Variants in FBXO15 observed in about 807,000 individuals in gnomAD.
FBXO15 encodes F-box only protein 15.
FBXO15 carries 30 observed loss-of-function variants against 49.5 expected under a neutral mutation model. That is an observed-to-expected ratio of 0.61 (90% CI 0.45 to 0.82). The LOEUF (loss-of-function observed/expected upper bound fraction) is 0.82. FBXO15 is among the 40% of genes least tolerant of loss of function. The pLI is 0.00. For synonymous variants in FBXO15, 250 were observed against 232.7 expected, an observed-to-expected ratio of 1.07 and a Z score of -0.68; for missense variants, 591 against 631.5, an observed-to-expected ratio of 0.94 and a Z score of 0.69.
At chr18:74,089,579 T>C (rs570355021) in intron 8 of FBXO15, among the ~76,000 whole-genome samples, 2 of 152,328 alleles carry the variant, frequency 1.3e-5, no homozygotes, top group Admixed American at 6.5e-5. Flanking sequence ...TGTTATTATT[T>C]TGAAGTATGT....
chr18:74,099,956 A>G (rs1440435933), intron 8 of FBXO15: 1 of 152,226 alleles, frequency 6.6e-6, no homozygotes, highest in African/African-American at 2.4e-5. Flanking sequence ...ACACAGCAAC[A>G]CAATAACAGT....
intron 1 of FBXO15, 121 bp downstream of exon 1, chr18:74,147,549 C>G: frequency 7.8e-7 from 1 of 1,287,862 alleles, no homozygotes; most frequent in Non-Finnish European, 9.8e-7. Flanking sequence ...ACCCTTCTCA[C>G]GTTGAAGACG....
intron 8 of FBXO15, among the ~76,000 whole-genome samples, chr18:74,084,652 C>T (rs1440117267): frequency 3.9e-5 from 6 of 152,172 alleles, no homozygotes; most frequent in African/African-American, 1.4e-4. Flanking sequence ...TCTTAACTTA[C>T]CAATACACAA....
intron 1 of FBXO15, among the ~76,000 whole-genome samples, chr18:74,143,198 TAA>T: frequency 6.6e-6 from 1 of 152,348 alleles, no homozygotes; most frequent in Admixed American, 6.5e-5. Flanking sequence ...TAATTTTATT[TAA>T]GATATTAAAT....
chr18:74,089,974 T>A lies in FBXO15; in HGVS notation c.1139-7923A>T, dbSNP rs193135487. Among the ~76,000 whole-genome samples the A allele has an allele frequency of 1.6e-4, 25 of 152,290 alleles. No homozygotes were observed. The East Asian group carries it at 2.9e-3, about 18-fold the overall frequency. ...GTCCCTCCACCTCAATTTTTTGGAA[T>A]AGTTTCCCTAGGAATAGTACCAGCT... On this transcript the variant is annotated intron_variant, in intron 8 of 9. Coordinates refer to ENST00000419743, the MANE Select transcript of FBXO15 (RefSeq NM_001142958.2).
At chr18:74,100,575 C>T (rs1913472129) in intron 8 of FBXO15, among the ~76,000 whole-genome samples, 1 of 151,472 alleles carries the variant, frequency 6.6e-6, no homozygotes, top group African/African-American at 2.4e-5. Flanking sequence ...CAGAGGAGAA[C>T]TAAATGAAAT....
At chr18:74,121,903 A>G (rs541556401) in intron 8 of FBXO15, among the ~76,000 whole-genome samples, 6 of 152,240 alleles carry the variant, frequency 3.9e-5, no homozygotes, top group Non-Finnish European at 8.8e-5. Context: ...AAGATGGCAG[A>G]TAAGAAAAGA....
Position 74,129,599 on chromosome 18 carries a change from A to G in FBXO15, c.591T>C (p.Gly197=), listed in dbSNP as rs1362298761. 6.8e-6 allele frequency: 11 copies of G among 1,610,144 alleles called. No homozygotes were observed. Among genetic ancestry groups the G allele is most frequent in the South Asian group, 1.1e-5 (1 of 90,280 alleles). The change falls in exon 5 of 10, where the codon GGT becomes GGC. Residue 197 remains glycine (G), a synonymous_variant. Coordinates refer to ENST00000419743, the MANE Select transcript of FBXO15 (RefSeq NM_001142958.2). ...TKEALRIFGL[G]WAIILKEKGG... ...CTTTTTCTTTCAGTATAATTGCCCAACCTAAACCAAATATTCTGGAGAAAG... is the reference window on the plus strand; with the variant it reads ...CTTTTTCTTTCAGTATAATTGCCCAGCCTAAACCAAATATTCTGGAGAAAG...
Position 74,082,042 on chromosome 18 carries a change from T to G in FBXO15, c.1148A>C (p.Glu383Ala). The G allele has an allele frequency of 6.2e-7, 1 of 1,611,360 alleles. No homozygotes were observed. Among genetic ancestry groups the G allele is most frequent in the African/African-American group, 1.3e-5 (1 of 74,928 alleles). ...RNLFTKRGNIENGHVKLIVIH... is the reference protein window; with the variant it reads ...RNLFTKRGNIANGHVKLIVIH... The stretch of plus-strand genomic sequence containing the variant: ...AACAATGAGCTTCACATGTCCATTT[T>G]CAATATTTCCTGAAAAGATATAAGA... The change falls in exon 9 of 10, where the codon GAA becomes GCA. Residue 383 changes from glutamate to alanine, a missense_variant. Transcript: ENST00000419743.
chr18:74,119,574 G>T (rs993199971), intron 8 of FBXO15, among the ~76,000 whole-genome samples: 4 of 152,156 alleles, frequency 2.6e-5, no homozygotes, highest in African/African-American at 9.7e-5. Context: ...GCCTCACTGA[G>T]AAGCTGTCAG....
At chr18:74,085,230 A>G (rs1334363026) in intron 8 of FBXO15, among the ~76,000 whole-genome samples, 4 of 85,898 alleles carry the variant, frequency 4.7e-5, no homozygotes, top group Admixed American at 2.7e-4. Context: ...ACAATCTTGG[A>G]AAAAAAAAAG....
At chr18:74,114,859 T>G (rs1467607010) in intron 8 of FBXO15, among the ~76,000 whole-genome samples, 1 of 152,146 alleles carries the variant, frequency 6.6e-6, no homozygotes, top group Non-Finnish European at 1.5e-5. Context: ...CACTTCCCAG[T>G]TCCTTGGAGG....
At position 74,075,240 on chromosome 18, in the gene FBXO15, T is replaced by C. The variant is rs1912213125; in HGVS notation, c.1264-1510A>G. On this transcript the variant is annotated intron_variant, in intron 9 of 9. Coordinates refer to ENST00000419743, the MANE Select transcript of FBXO15 (RefSeq NM_001142958.2). The surrounding 1 kb of genome is among the most constrained non-coding windows in gnomAD (Gnocchi z 4.1). ...TGATCTCTGCAGAGAACCTCGGCCT[T>C]CACAGACAGGGGAGAAGGATGTTTT... 6.6e-6 allele frequency among the ~76,000 whole-genome samples: 1 copy of C among 152,124 alleles called. No homozygotes were observed. The highest frequency in any genetic ancestry group is 2.4e-5 in the African/African-American group (1 of 41,424).
At chr18:74,088,220 G>A (rs1912836050) in intron 8 of FBXO15, among the ~76,000 whole-genome samples, 1 of 152,124 alleles carries the variant, frequency 6.6e-6, no homozygotes, top group Admixed American at 6.6e-5. Context: ...AGTCCCATTT[G>A]TCAATTTTTG....
chr18:74,109,945 T>C (rs1190014927), intron 8 of FBXO15, among the ~76,000 whole-genome samples: 2 of 151,918 alleles, frequency 1.3e-5, no homozygotes, highest in Non-Finnish European at 2.9e-5. Flanking sequence ...AACCTGCATG[T>C]TGTGCACCTG....
At chr18:74,115,455 A>G (rs1914187178) in intron 8 of FBXO15, among the ~76,000 whole-genome samples, 1 of 152,216 alleles carries the variant, frequency 6.6e-6, no homozygotes, top group African/African-American at 2.4e-5. Context: ...AGAGTTAAGA[A>G]AATAGAACTA....
rs539389329 is a variant in FBXO15 at position 74,092,080 on chromosome 18, G to GTTTTTTCCTTA, written c.1139-10040_1139-10030dup. Among the ~76,000 whole-genome samples, 393 of 152,058 alleles carry GTTTTTTCCTTA rather than the reference G, an allele frequency of 2.6e-3. 6 individuals are homozygous for GTTTTTTCCTTA. The highest frequency in any genetic ancestry group is 9.3e-3 in the African/African-American group (384 of 41,460). Reference sequence around the variant, plus strand: ...CTTGGAGATTTTTTTCATTCTTCTTGTTTTTTCCTTATTTTTGTCTGACTG... The same window carrying GTTTTTTCCTTA: ...CTTGGAGATTTTTTTCATTCTTCTTGTTTTTTCCTTATTTTTTCCTTATTTTTGTCTGACTG... On this transcript the variant is annotated intron_variant, in intron 8 of 9. Transcript: ENST00000419743.
At chr18:74,131,055 G>C (rs1406406113) in intron 3 of FBXO15, among the ~76,000 whole-genome samples, 1 of 152,104 alleles carries the variant, frequency 6.6e-6, no homozygotes, top group Non-Finnish European at 1.5e-5. Flanking sequence ...AGATCAGAAA[G>C]GATGTATGTA....
intron 8 of FBXO15, among the ~76,000 whole-genome samples, chr18:74,085,150 T>C (rs1479856266): frequency 6.6e-6 from 1 of 151,976 alleles, no homozygotes; most frequent in African/African-American, 2.4e-5. Context: ...TTAATACTTA[T>C]ATAAATAATA....
Sources: allele counts gnomAD v4.1 joint callset (sites outside exome capture counted in the v4.1 genomes callset), GRCh38; gene constraint gnomAD v4.1.1; non-coding constraint Gnocchi (gnomAD v3.1); transcripts MANE v1.5; gene names NCBI Gene and HGNC (gene_info 2026-07-23, HGNC 2026-07-21).